The following KAT6B variants were observed in gnomAD, a reference collection of about 807,000 sequenced individuals.
The protein encoded by KAT6B is histone acetyltransferase KAT6B.
Under a neutral mutation model 187.5 loss-of-function variants are expected in KAT6B, and 10 were observed. The observed-to-expected ratio is 0.05, with a 90% confidence interval of 0.03 to 0.09. KAT6B has a LOEUF of 0.09. Among genes scored for constraint, KAT6B ranks in the 10% least tolerant of loss-of-function variants. The probability of loss-of-function intolerance (pLI) is 1.00; values close to 1 mark genes in which losing one functional copy is unlikely to be tolerated. For synonymous variants in KAT6B, 861 were observed against 926.8 expected, an observed-to-expected ratio of 0.93 and a Z score of 1.29; for missense variants, 1,952 against 2,558.9, an observed-to-expected ratio of 0.76 and a Z score of 5.12.
chr10:74,850,070 C>CT (rs1346492065), intron 3 of KAT6B, among the ~76,000 whole-genome samples: 1 of 151,994 alleles, frequency 6.6e-6, no homozygotes, highest in Non-Finnish European at 1.5e-5. Flanking sequence ...TCCTGAGTAG[C>CT]TGGGACTACA....
At chr10:75,026,716 C>T (rs770536179) in intron 17 of KAT6B, among the ~76,000 whole-genome samples, 91 of 151,802 alleles carry the variant, frequency 6.0e-4, no homozygotes, top group Non-Finnish European at 1.1e-3. Flanking sequence ...TGGCTGTCTT[C>T]TCATATTATG....
intron 10 of KAT6B, among the ~76,000 whole-genome samples, chr10:74,980,151 C>T (rs546195465): frequency 4.6e-5 from 7 of 152,080 alleles, no homozygotes; most frequent in Non-Finnish European, 1.0e-4. Context: ...AGACCAAGAT[C>T]CCATCTCAAA....
chr10:74,972,689 A>G, intron 7 of KAT6B, 50 bp downstream of exon 7: 3 of 1,521,170 alleles, frequency 2.0e-6, no homozygotes, highest in South Asian at 1.1e-5. Flanking sequence ...GCTTTAAAAT[A>G]TAGGTGATTG....
Position 75,025,122 on chromosome 10 carries a change from A to G in KAT6B, c.3537A>G (p.Glu1179=). 1 of 1,614,256 alleles carries G rather than the reference A, an allele frequency of 6.2e-7. No individual in the cohort carries two copies. Residue 1179 remains glutamate, a synonymous_variant, in exon 17 of 18, where the codon GAA becomes GAG. Coordinates refer to ENST00000287239, the MANE Select transcript of KAT6B (RefSeq NM_012330.4). ...AGCTGGAGCCTACCTGTGAGATTGAAGTGGAGGAAGATGGCAGGAAGCCAG... is the reference window on the plus strand; with the variant it reads ...AGCTGGAGCCTACCTGTGAGATTGAGGTGGAGGAAGATGGCAGGAAGCCAG... ...MPQLEPTCEI[E]VEEDGRKPVL...
chr10:74,847,259 A>G (rs1842173627), intron 3 of KAT6B, among the ~76,000 whole-genome samples: 1 of 152,244 alleles, frequency 6.6e-6, no homozygotes, highest in African/African-American at 2.4e-5. Flanking sequence ...TTACTTGATG[A>G]AATTTGGAGA....
chr10:74,959,348 A>G (rs1435708521), intron 3 of KAT6B, among the ~76,000 whole-genome samples: 1 of 152,204 alleles, frequency 6.6e-6, no homozygotes, highest in Non-Finnish European at 1.5e-5. Context: ...CGAATAATTT[A>G]TTTTAAGCAT....
rs751984825 is a variant in KAT6B, at chr10:74,975,545, A to G, written c.1208A>G (p.Asp403Gly). The G allele has an allele frequency of 4.3e-6, 7 of 1,611,844 alleles. No individual in the cohort carries two copies. The African/African-American group carries it at 9.5e-5, about 22-fold the overall frequency. Reference sequence around the variant, plus strand: ...TCAAGCAGCAGATTGGCTGTTACAGACCCCACTCGGCCTGGTGCCACCACC... The same window carrying G: ...TCAAGCAGCAGATTGGCTGTTACAGGCCCCACTCGGCCTGGTGCCACCACC... Reference protein sequence around the residue: ...KDSSSRLAVTDPTRPGATTKI... With the variant: ...KDSSSRLAVTGPTRPGATTKI... Residue 403 changes from aspartate to glycine, a missense_variant, in exon 8 of 18, where the codon GAC becomes GGC. By Grantham distance (94) the Asp-to-Gly change is moderately conservative. Transcript: ENST00000287239.
intron 3 of KAT6B, among the ~76,000 whole-genome samples, chr10:74,848,852 T>C (rs893126813): frequency 6.6e-6 from 1 of 152,228 alleles, no homozygotes; most frequent in Non-Finnish European, 1.5e-5. Flanking sequence ...CTTTTTCTAA[T>C]ATATTTGAAA....
chr10:75,010,051 A>G (rs527249191), intron 13 of KAT6B, among the ~76,000 whole-genome samples: 1 of 152,328 alleles, frequency 6.6e-6, no homozygotes, highest in African/African-American at 2.4e-5. Flanking sequence ...TGGGCAAACC[A>G]GCCAGTCACT....
In KAT6B at chr10:75,025,267, A is replaced by G. The variant is rs547896428; in HGVS notation, c.3664+18A>G. The stretch of plus-strand genomic sequence containing the variant: ...TTGTAGAAGTAAGTAGAGGAATGAT[A>G]AAAACCTTACCCTTGAGAATGTCTG... On this transcript the variant is annotated intron_variant, in intron 17 of 17. Coordinates refer to ENST00000287239, the MANE Select transcript of KAT6B (RefSeq NM_012330.4). The G allele has an allele frequency of 3.7e-5, 60 of 1,613,074 alleles. No homozygotes were observed. Among genetic ancestry groups the G allele is most frequent in the Admixed American group, 1.2e-4 (7 of 60,032 alleles).
At chr10:74,928,992 C>G (rs949668300) in intron 3 of KAT6B, among the ~76,000 whole-genome samples, 2 of 152,072 alleles carry the variant, frequency 1.3e-5, no homozygotes, top group Non-Finnish European at 2.9e-5. Context: ...GCATTCTCAC[C>G]ATGGTCAAGA....
At chr10:74,871,185 CTTTTTTTTTTT>C (rs746074814) in intron 3 of KAT6B, among the ~76,000 whole-genome samples, 5 of 76,740 alleles carry the variant, frequency 6.5e-5, no homozygotes, top group East Asian at 8.4e-4. Context: ...CAAGCCTGGC[CTTTTTTTTTTT>C]TTTTTTTTTT....
At chr10:75,002,345 T>G (rs1162255325) in intron 13 of KAT6B, among the ~76,000 whole-genome samples, 1 of 151,134 alleles carries the variant, frequency 6.6e-6, no homozygotes, top group Non-Finnish European at 1.5e-5. Context: ...TTATTTAGTT[T>G]TCTCTCTCTC....
intron 13 of KAT6B, among the ~76,000 whole-genome samples, chr10:75,010,082 C>T (rs981436017): frequency 5.9e-5 from 9 of 152,240 alleles, no homozygotes; most frequent in African/African-American, 2.2e-4. Flanking sequence ...CCCTCCCACC[C>T]TAGCTCCGCT....
chr10:74,976,548 TTTA>T, intron 8 of KAT6B: 1 of 602,962 alleles, frequency 1.7e-6, no homozygotes, highest in Non-Finnish European at 2.9e-6. Flanking sequence ...TCTCCCACCT[TTTA>T]TTATTTATTT....
intron 3 of KAT6B, among the ~76,000 whole-genome samples, chr10:74,847,382 G>A (rs1384434122): frequency 6.6e-6 from 1 of 152,096 alleles, no homozygotes; most frequent in Non-Finnish European, 1.5e-5. Flanking sequence ...TTTTTTTCCA[G>A]CTGGGTGCAG....
chr10:74,942,765 CAAAAAAAAAAAAAAAA>C (rs56276008), intron 3 of KAT6B, among the ~76,000 whole-genome samples: 1 of 9,356 alleles, frequency 1.1e-4, no homozygotes, highest in Non-Finnish European at 2.8e-4. Context: ...AACTCCATCG[CAAAAAAAAAAAAAAAA>C]AAAAAAAAAA....
chr10:75,025,310 A>T lies in KAT6B; in HGVS notation c.3664+61A>T. 4 of 1,570,704 alleles carry T rather than the reference A, an allele frequency of 2.5e-6. No individual in the cohort carries two copies. The South Asian group carries it at 4.5e-5, about 18-fold the overall frequency. ...AATGTCTGTATCTGACTGGGTGCCA[A>T]AGAGCAGGCCTCTGGCGTGATGCCC... On this transcript the variant is annotated intron_variant, in intron 17 of 17. Transcript: ENST00000287239.
intron 3 of KAT6B, among the ~76,000 whole-genome samples, chr10:74,895,963 T>TTGTTG (rs1564548719): frequency 6.6e-6 from 1 of 151,294 alleles, no homozygotes; most frequent in African/African-American, 2.4e-5. Flanking sequence ...TGTTGTTGTT[T>TTGTTG]TTTTTTGCCT....
Sources: gnomAD v4.1 joint callset for allele counts (sites outside exome capture counted in the v4.1 genomes callset) on GRCh38, gnomAD v4.1.1 for gene constraint, MANE v1.5 for transcripts, NCBI Gene and HGNC (gene_info 2026-07-23, HGNC 2026-07-21) for gene names.